Variants in CUL5 observed in about 807,000 individuals in gnomAD.
CUL5 encodes the protein cullin 5.
Under a neutral mutation model 108.8 loss-of-function variants are expected in CUL5, and 26 were observed. The ratio of observed to expected loss-of-function variants is 0.24; its 90% CI spans 0.18 to 0.33. The LOEUF is 0.33. Among genes scored for constraint, CUL5 ranks in the 10% least tolerant of loss-of-function variants. The probability of loss-of-function intolerance (pLI) is 1.00; values close to 1 mark genes in which losing one functional copy is unlikely to be tolerated. For missense variants in CUL5, 524 were observed against 909.2 expected (o/e 0.58, Z 5.45); for synonymous variants, 334 against 298.0 (o/e 1.12, Z -1.25).
intron 18 of CUL5, among the ~76,000 whole-genome samples, chr11:108,099,870 T>C (rs1864606663): frequency 6.6e-6 from 1 of 152,084 alleles, no homozygotes; most frequent in Non-Finnish European, 1.5e-5. Context: ...AACTATATTC[T>C]TCCATTAAAG....
chr11:108,022,358 C>G (rs1368967542), intron 1 of CUL5, among the ~76,000 whole-genome samples: 1 of 152,086 alleles, frequency 6.6e-6, no homozygotes, highest in African/African-American at 2.4e-5. Flanking sequence ...TGTTTACATT[C>G]TTGTGTTTAA....
intron 7 of CUL5, 46 bp downstream of exon 7, chr11:108,055,001 C>T (rs771833226): frequency 5.4e-5 from 70 of 1,287,480 alleles, no homozygotes; most frequent in Middle Eastern, 2.0e-4. Flanking sequence ...ATTTGAAATA[C>T]GGAAGCATAG....
chr11:108,088,914 A>G (rs1389909430), intron 12 of CUL5, among the ~76,000 whole-genome samples: 1 of 152,118 alleles, frequency 6.6e-6, no homozygotes, highest in Non-Finnish European at 1.5e-5. Flanking sequence ...AGTTCTAGCT[A>G]CTAATACAGG....
chr11:108,089,938 G>C (rs1864309687), intron 13 of CUL5, among the ~76,000 whole-genome samples: 1 of 151,982 alleles, frequency 6.6e-6, no homozygotes, highest in South Asian at 2.1e-4. Flanking sequence ...TGCTTGGGAG[G>C]CTGAGGCAAG....
intron 1 of CUL5, among the ~76,000 whole-genome samples, chr11:108,014,098 T>C (rs143229252): frequency 1.0e-3 from 156 of 152,354 alleles, no homozygotes; most frequent in Non-Finnish European, 1.9e-3. Context: ...CCAACTGCTC[T>C]ATGCTCCCTC....
At chr11:108,030,736 C>T (rs1378452666) in intron 1 of CUL5, among the ~76,000 whole-genome samples, 1 of 152,188 alleles carries the variant, frequency 6.6e-6, no homozygotes. Context: ...TGAATATAAG[C>T]AGGATTTATA....
chr11:108,018,561 G>T (rs1442699352), intron 1 of CUL5, among the ~76,000 whole-genome samples: 7 of 151,916 alleles, frequency 4.6e-5, no homozygotes, highest in Non-Finnish European at 7.4e-5. Flanking sequence ...AGTAGTCCCA[G>T]CTACGCAGGA....
intron 3 of CUL5, among the ~76,000 whole-genome samples, chr11:108,048,057 G>A (rs1863109423): frequency 6.6e-6 from 1 of 151,614 alleles, no homozygotes; most frequent in South Asian, 2.1e-4. Flanking sequence ...AATAGGAGTA[G>A]CAATGCCAGA....
At chr11:108,023,904 A>G (rs1862389907) in intron 1 of CUL5, among the ~76,000 whole-genome samples, 1 of 152,192 alleles carries the variant, frequency 6.6e-6, no homozygotes, top group African/African-American at 2.4e-5. Flanking sequence ...GAGATATTTA[A>G]CTTCTTGGAA....
At chr11:108,079,222 G>A (rs754431280) in intron 11 of CUL5, among the ~76,000 whole-genome samples, 3 of 152,166 alleles carry the variant, frequency 2.0e-5, no homozygotes, top group African/African-American at 7.2e-5. Context: ...TTCTGCCTCA[G>A]CCTCCCGAGT....
chr11:108,067,141 AAAGT>A (rs1863704259), intron 7 of CUL5, among the ~76,000 whole-genome samples: 2 of 152,320 alleles, frequency 1.3e-5, no homozygotes, highest in South Asian at 4.1e-4. Context: ...ATGTCCTCAT[AAAGT>A]AAGTATCTGC....
intron 1 of CUL5, among the ~76,000 whole-genome samples, chr11:108,012,626 G>A (rs988978394): frequency 2.0e-5 from 3 of 148,086 alleles, no homozygotes; most frequent in African/African-American, 7.5e-5. Flanking sequence ...ATGGAGTTTC[G>A]CTCTTGTTGC....
At chr11:108,068,959 G>A (rs559666346) in intron 7 of CUL5, among the ~76,000 whole-genome samples, 10 of 152,234 alleles carry the variant, frequency 6.6e-5, no homozygotes, top group African/African-American at 2.4e-4. Flanking sequence ...TTTATCCTCT[G>A]TTTAAAACTT....
intron 7 of CUL5, among the ~76,000 whole-genome samples, chr11:108,068,925 TGAG>T (rs1863756663): frequency 1.3e-5 from 2 of 152,258 alleles, no homozygotes; most frequent in South Asian, 4.1e-4. Context: ...AATAATGACT[TGAG>T]GAGAGGAGAA....
At chr11:108,073,369 T>G in intron 9 of CUL5, 21 bp from the exon 10 acceptor site, 2 of 1,150,792 alleles carry the variant, frequency 1.7e-6, no homozygotes, top group Non-Finnish European at 1.3e-6. Flanking sequence ...AAAAACTTAA[T>G]GTAAAACCTT....
At chr11:108,068,016 C>T (rs1315207806) in intron 7 of CUL5, among the ~76,000 whole-genome samples, 1 of 151,972 alleles carries the variant, frequency 6.6e-6, no homozygotes. Flanking sequence ...GCAATCTCTG[C>T]CTCCCAGGTT....
At chr11:108,053,865 T>G (rs370522034) in intron 5 of CUL5, among the ~76,000 whole-genome samples, 1 of 151,922 alleles carries the variant, frequency 6.6e-6, no homozygotes, top group Non-Finnish European at 1.5e-5. Context: ...TTTTTTTTCT[T>G]TTTTTGAGAC....
chr11:108,058,618 C>T (rs564423559), intron 7 of CUL5, among the ~76,000 whole-genome samples: 34 of 151,564 alleles, frequency 2.2e-4, no homozygotes, highest in African/African-American at 8.2e-4. Context: ...GGTAATGCTT[C>T]TCCTGCTGCT....
Position 108,098,397 on chromosome 11 carries a change from T to C in CUL5, c.2025-9T>C. 6.3e-7 allele frequency: 1 copy of C among 1,597,910 alleles called. No individual in the cohort carries two copies. Among genetic ancestry groups the C allele is most frequent in the Non-Finnish European group, 8.5e-7 (1 of 1,174,552 alleles). ...CACCATAAAATACTTGATGCAATTC[T>C]TTTTGTAGAAAAAATGCAAAGGTTC... On this transcript the variant is annotated splice_polypyrimidine_tract_variant and intron_variant, in intron 17 of 18. Coordinates refer to ENST00000393094, the MANE Select transcript of CUL5 (RefSeq NM_003478.6).
Sources: gnomAD v4.1 joint callset for allele counts (sites outside exome capture counted in the v4.1 genomes callset) on GRCh38, gnomAD v4.1.1 for gene constraint, MANE v1.5 for transcripts, NCBI Gene and HGNC (gene_info 2026-07-23, HGNC 2026-07-21) for gene names.